The following GRM7 variants were observed in gnomAD, a reference collection of about 807,000 sequenced individuals.
The protein encoded by GRM7 is glutamate metabotropic receptor 7.
GRM7 carries 35 observed loss-of-function variants against 84.5 expected under a neutral mutation model. The ratio of observed to expected loss-of-function variants is 0.41; its 90% CI spans 0.32 to 0.55. The LOEUF is 0.55. Ranked by LOEUF, GRM7 falls within the 20% of genes least tolerant of loss-of-function variation. The pLI, the probability that GRM7 is intolerant of heterozygous loss-of-function variation, is 0.19. For missense variants in GRM7, 1,003 were observed against 1,194.6 expected (o/e 0.84, Z 2.36); for synonymous variants, 487 against 455.1 (o/e 1.07, Z -0.89).
intron 9 of GRM7, among the ~76,000 whole-genome samples, chr3:7,714,851 CAT>C (rs1701716742): frequency 1.3e-5 from 2 of 152,184 alleles, no homozygotes. Flanking sequence ...TGAACTGGAA[CAT>C]AGCTTTGTTC....
At position 6,967,597 on chromosome 3, in the gene GRM7, A is replaced by G. The variant is rs147764295; in HGVS notation, c.519+105690A>G. 2.3e-3 allele frequency among the ~76,000 whole-genome samples: 350 copies of G among 152,350 alleles called. 1 individual carries two copies. The highest frequency in any genetic ancestry group is 7.8e-3 in the African/African-American group (326 of 41,580). On this transcript the variant is annotated intron_variant, in intron 1 of 9. Transcript: ENST00000357716. ...GTTTATGTAATATACATCATAAATT[A>G]TCATATATTTTCAGTCTTTATGAAG...
chr3:7,148,487 A>G (rs1694177829), intron 2 of GRM7, among the ~76,000 whole-genome samples: 1 of 152,188 alleles, frequency 6.6e-6, no homozygotes, highest in Non-Finnish European at 1.5e-5. Flanking sequence ...AGTGTTCATG[A>G]GGTCAAAATC....
intron 2 of GRM7, among the ~76,000 whole-genome samples, chr3:7,177,486 T>C (rs1271585678): frequency 3.3e-5 from 4 of 122,668 alleles, no homozygotes; most frequent in African/African-American, 1.3e-4. Flanking sequence ...TTATTAGCTA[T>C]AATAAACTTA....
At chr3:7,116,399 C>T (rs991767842) in intron 1 of GRM7, among the ~76,000 whole-genome samples, 3 of 152,068 alleles carry the variant, frequency 2.0e-5, no homozygotes, top group African/African-American at 7.2e-5. Context: ...TCATTATGCC[C>T]ACAGATGAGG....
At chr3:6,922,635 C>T (rs750866688) in intron 1 of GRM7, among the ~76,000 whole-genome samples, 4 of 151,986 alleles carry the variant, frequency 2.6e-5, no homozygotes, top group Middle Eastern at 3.2e-3. Context: ...GAACCTATAA[C>T]ATACATATAG....
At chr3:7,416,510 A>G (rs1277860115) in intron 5 of GRM7, among the ~76,000 whole-genome samples, 1 of 152,144 alleles carries the variant, frequency 6.6e-6, no homozygotes, top group Non-Finnish European at 1.5e-5. Flanking sequence ...TCATCTGTTA[A>G]TCAGGTAATA....
At position 7,015,796 on chromosome 3, in the gene GRM7, T is replaced by G. The variant is rs571865009; in HGVS notation, c.520-130656T>G. Among the ~76,000 whole-genome samples the G allele has an allele frequency of 2.6e-5, 4 of 152,300 alleles. No individual in the cohort carries two copies. The South Asian group carries it at 6.2e-4, about 24-fold the overall frequency. ...TGCTTGAGTGTCCTTACAACATGGC[T>G]TCTCCCATTGTAAGTGATGTAAGAG... On this transcript the variant is annotated intron_variant, in intron 1 of 9. Coordinates refer to ENST00000357716, the MANE Select transcript of GRM7 (RefSeq NM_000844.4).
chr3:7,183,135 A>T (rs915925052), intron 2 of GRM7, among the ~76,000 whole-genome samples: 5 of 152,128 alleles, frequency 3.3e-5, no homozygotes, highest in African/African-American at 1.2e-4. Context: ...GGTTGTGCCT[A>T]AGTAGGCATA....
intron 7 of GRM7, among the ~76,000 whole-genome samples, chr3:7,520,917 T>G (rs1700569932): frequency 6.6e-6 from 1 of 152,196 alleles, no homozygotes; most frequent in Non-Finnish European, 1.5e-5. Flanking sequence ...CATTTAAAGC[T>G]TGAGGATTTC....
At chr3:7,103,794 CTTTCTTTCTTTCTTTCTT>C (rs1699197977) in intron 1 of GRM7, among the ~76,000 whole-genome samples, 3 of 112,646 alleles carry the variant, frequency 2.7e-5, no homozygotes, top group South Asian at 2.8e-4. Flanking sequence ...TTCTTTCTTT[CTTTCTTTCTTTCTTTCTT>C]TCTTTCTCTC....
intron 1 of GRM7, among the ~76,000 whole-genome samples, chr3:6,947,941 C>G (rs1044634340): frequency 6.6e-6 from 1 of 152,066 alleles, no homozygotes; most frequent in East Asian, 1.9e-4. Context: ...TGATTCTTCT[C>G]TCTTTTCTTC....
chr3:6,934,014 G>A (rs6790379), intron 1 of GRM7, among the ~76,000 whole-genome samples: 5,108 of 152,266 alleles, frequency 0.034, 280 homozygotes, highest in African/African-American at 0.12. Context: ...GGAGCTTTCC[G>A]AGCTAAGACA....
At chr3:7,411,073 A>G (rs561772750) in intron 4 of GRM7, among the ~76,000 whole-genome samples, 141 of 152,136 alleles carry the variant, frequency 9.3e-4, no homozygotes, top group Non-Finnish European at 1.7e-3. Context: ...TCTTCTTCAC[A>G]TCTCCTTCTC....
At chr3:6,951,426 A>G (rs1471397565) in intron 1 of GRM7, among the ~76,000 whole-genome samples, 1 of 152,140 alleles carries the variant, frequency 6.6e-6, no homozygotes, top group Non-Finnish European at 1.5e-5. Flanking sequence ...ATTTAATGCT[A>G]TAAATTTCCC....
At chr3:6,891,164 G>A (rs1418444411) in intron 1 of GRM7, among the ~76,000 whole-genome samples, 3 of 152,164 alleles carry the variant, frequency 2.0e-5, no homozygotes, top group Non-Finnish European at 4.4e-5. Flanking sequence ...ACAGCACACT[G>A]ATGGGTCTTG....
At chr3:7,372,354 T>C (rs528370813) in intron 4 of GRM7, among the ~76,000 whole-genome samples, 1 of 152,190 alleles carries the variant, frequency 6.6e-6, no homozygotes, top group Non-Finnish European at 1.5e-5. Context: ...TCCTCAGTTG[T>C]GTACAATCTT....
chr3:7,123,818 C>A lies in GRM7; in HGVS notation c.520-22634C>A, dbSNP rs1027541551. Among the ~76,000 whole-genome samples the A allele has an allele frequency of 3.3e-5, 5 of 152,254 alleles. No homozygotes were observed. The East Asian group carries it at 9.7e-4, about 29-fold the overall frequency. On this transcript the variant is annotated intron_variant, in intron 1 of 9. Coordinates refer to ENST00000357716, the MANE Select transcript of GRM7 (RefSeq NM_000844.4). ...ATGCTTGTGTGAAATTCTCACTTTG[C>A]CTCATTGATAAAATCTTTCTTGACC...
chr3:7,035,144 A>T (rs1696340089), intron 1 of GRM7, among the ~76,000 whole-genome samples: 2 of 152,144 alleles, frequency 1.3e-5, no homozygotes, highest in South Asian at 4.1e-4. Flanking sequence ...ACCCTGTGGT[A>T]GGAAAGGGAG....
intron 7 of GRM7, among the ~76,000 whole-genome samples, chr3:7,539,486 CA>C (rs35056786): frequency 0.49 from 73,918 of 151,380 alleles, 19,464 homozygotes; most frequent in Non-Finnish European, 0.57. Context: ...ACTAGCCTGG[CA>C]AAAGATGGTG....
Sources: allele counts gnomAD v4.1 joint callset (sites outside exome capture counted in the v4.1 genomes callset), GRCh38; gene constraint gnomAD v4.1.1; transcripts MANE v1.5; gene names NCBI Gene and HGNC (gene_info 2026-07-23, HGNC 2026-07-21).